ARAP2: variants seen among roughly 807,000 people sequenced by gnomAD.
The protein encoded by ARAP2 is ArfGAP with RhoGAP domain, ankyrin repeat and PH domain 2.
In ARAP2, 148 loss-of-function variants were observed where a neutral mutation model predicts 194.5. The ratio of observed to expected loss-of-function variants is 0.76; its 90% CI spans 0.67 to 0.87. The LOEUF (loss-of-function observed/expected upper bound fraction) is 0.87, where lower values mean the gene tolerates loss of function less well. Among genes scored for constraint, ARAP2 ranks in the 40% least tolerant of loss-of-function variants. ARAP2 has a pLI of 0.00. For missense variants in ARAP2, 2,128 were observed against 1,989.7 expected (o/e 1.07, Z -1.32); for synonymous variants, 695 against 683.5 (o/e 1.02, Z -0.26).
At chr4:36,116,122 G>A (rs1177495538) in intron 25 of ARAP2, among the ~76,000 whole-genome samples, 2 of 151,844 alleles carry the variant, frequency 1.3e-5, no homozygotes, top group Non-Finnish European at 2.9e-5. Context: ...GAGTGGCAAG[G>A]CAAATGCCTC....
intron 5 of ARAP2, among the ~76,000 whole-genome samples, chr4:36,038,349 A>T (rs1451435934): frequency 1.1e-4 from 17 of 152,214 alleles, no homozygotes. Context: ...TGGAGGTCAG[A>T]GAAGCAGTTA....
intron 16 of ARAP2, among the ~76,000 whole-genome samples, chr4:36,150,390 A>G (rs1438968774): frequency 6.6e-6 from 1 of 152,178 alleles, no homozygotes; most frequent in Non-Finnish European, 1.5e-5. Context: ...TCACGCCTGT[A>G]ATCCCAGCAC....
Position 36,171,814 on chromosome 4 carries a change from CA to C in ARAP2, c.1858-4768del, listed in dbSNP as rs200210173. Among the ~76,000 whole-genome samples, 659 of 150,062 alleles carry C rather than the reference CA, an allele frequency of 4.4e-3. 4 individuals carry two copies. The highest frequency in any genetic ancestry group is 0.02 in the East Asian group (102 of 5,124). Reference sequence around the variant, plus strand: ...ATAGTATCTATTTAAAACTTAATTACAAAAAAAAAGTCCTGTCCAAAAATAA... The same window carrying C: ...ATAGTATCTATTTAAAACTTAATTACAAAAAAAAGTCCTGTCCAAAAATAA... On this transcript the variant is annotated intron_variant, in intron 9 of 32. Coordinates refer to ENST00000303965, the MANE Select transcript of ARAP2 (RefSeq NM_015230.4).
Position 36,109,228 on chromosome 4 carries a change from T to C in ARAP2, c.4157-1535A>G, listed in dbSNP as rs190817109. Among the ~76,000 whole-genome samples the C allele has an allele frequency of 4.2e-3, 631 of 151,974 alleles. 3 individuals carry two copies. The highest frequency in any genetic ancestry group is 7.3e-3 in the Non-Finnish European group (498 of 67,876). On this transcript the variant is annotated intron_variant, in intron 26 of 32. Coordinates refer to ENST00000303965, the MANE Select transcript of ARAP2 (RefSeq NM_015230.4). ...TTGCTTCCTATCCAGTAAAGAGAAA[T>C]CCAATTCTGCATTCTGTGCTTATTG...
chr4:36,194,564 G>C (rs1742668006), intron 6 of ARAP2, among the ~76,000 whole-genome samples: 1 of 152,122 alleles, frequency 6.6e-6, no homozygotes, highest in Non-Finnish European at 1.5e-5. Flanking sequence ...AACTTTTCTT[G>C]GCTCTCAGAA....
At chr4:36,140,991 G>A (rs189779532) in intron 19 of ARAP2, among the ~76,000 whole-genome samples, 1 of 151,746 alleles carries the variant, frequency 6.6e-6, no homozygotes, top group Non-Finnish European at 1.5e-5. Context: ...AGCATAATAA[G>A]TGTCTATGGC....
At chr4:36,144,226 T>G (rs76313019) in intron 19 of ARAP2, among the ~76,000 whole-genome samples, 4,310 of 151,998 alleles carry the variant, frequency 0.028, 110 homozygotes, top group Non-Finnish European at 0.042. Flanking sequence ...ATAAACACAT[T>G]TGTTAAGCTG....
intron 3 of ARAP2, among the ~76,000 whole-genome samples, chr4:36,049,593 C>T (rs1159365765): frequency 6.6e-6 from 1 of 152,158 alleles, no homozygotes; most frequent in African/African-American, 2.4e-5. Context: ...TCAAAATATG[C>T]TGTTTGCAAA....
chr4:36,052,700 C>G lies in ARAP2; in HGVS notation n.322-647G>C, dbSNP rs541884562. On this transcript the variant is annotated intron_variant and non_coding_transcript_variant, in intron 2 of 12. Coordinates refer to the ARAP2 transcript ENST00000503225. Reference sequence around the variant, plus strand: ...AATTTTACGGCTGGGCTCGGAGGCTCACGCCTGTAATCCCAGCACTTTGGG... The same window carrying G: ...AATTTTACGGCTGGGCTCGGAGGCTGACGCCTGTAATCCCAGCACTTTGGG... 5.3e-5 allele frequency among the ~76,000 whole-genome samples: 8 copies of G among 152,352 alleles called. No homozygotes were observed. The South Asian group carries it at 1.7e-3, about 32-fold the overall frequency.
chr4:36,230,054 T>TA (rs1211264403), intron 1 of ARAP2, among the ~76,000 whole-genome samples: 5 of 152,198 alleles, frequency 3.3e-5, no homozygotes, highest in East Asian at 1.9e-4. Context: ...CTAGCTTAGA[T>TA]AAAAAACTGT....
chr4:36,234,010 C>T (rs1751988409), intron 1 of ARAP2, among the ~76,000 whole-genome samples: 2 of 152,190 alleles, frequency 1.3e-5, no homozygotes, highest in Admixed American at 1.3e-4. Flanking sequence ...CCCAATAAAC[C>T]CATTGTATGC....
intron 2 of ARAP2, among the ~76,000 whole-genome samples, chr4:36,052,682 CGG>C (rs1722863873): frequency 6.6e-6 from 1 of 152,160 alleles, no homozygotes; most frequent in South Asian, 2.1e-4. Flanking sequence ...TAAAATTTTA[CGG>C]CTGGGCTCGG....
At chr4:36,226,516 C>CA (rs369614234) in intron 2 of ARAP2, among the ~76,000 whole-genome samples, 1 of 151,926 alleles carries the variant, frequency 6.6e-6, no homozygotes, top group Non-Finnish European at 1.5e-5. Context: ...TAAGCCCCCC[C>CA]CCACATAATT....
chr4:36,168,540 A>G (rs1046621552), intron 9 of ARAP2, among the ~76,000 whole-genome samples: 1 of 152,194 alleles, frequency 6.6e-6, no homozygotes, highest in Admixed American at 6.5e-5. Context: ...GTGGAAAAAA[A>G]TAATTCTATA....
intron 27 of ARAP2, among the ~76,000 whole-genome samples, chr4:36,099,149 C>A (rs114896399): frequency 6.6e-6 from 1 of 151,822 alleles, no homozygotes; most frequent in Non-Finnish European, 1.5e-5. Flanking sequence ...CGAGAACATG[C>A]GGTGTCTGGT....
At chr4:36,107,419 T>G in intron 27 of ARAP2, 146 bp downstream of exon 27, 1 of 737,248 alleles carries the variant, frequency 1.4e-6, no homozygotes, top group Non-Finnish European at 2.0e-6. Context: ...CCATATATTC[T>G]TCTTTCTTAT....
chr4:36,107,665 T>C lies in ARAP2; in HGVS notation c.4185A>G (p.Val1395=), dbSNP rs1439448300. 9.9e-6 allele frequency: 16 copies of C among 1,609,446 alleles called. No homozygotes were observed. Among genetic ancestry groups the C allele is most frequent in the Non-Finnish European group, 1.2e-5 (14 of 1,177,346 alleles). The change falls in exon 27 of 33, where the codon GTA becomes GTG. Residue 1395 remains valine, a synonymous_variant. Coordinates refer to ENST00000303965, the MANE Select transcript of ARAP2 (RefSeq NM_015230.4). ...AACTCCACCGAAGCACCTGCTCCAG[T>C]ACATTTTCCTTGTAGTGAAGAGGAC... ...LERPLHYKEN[V]LEQVLRWSSL... is the part of the protein sequence containing the mutation.
chr4:36,175,788 G>A (rs777017265), intron 9 of ARAP2, among the ~76,000 whole-genome samples: 1 of 152,158 alleles, frequency 6.6e-6, no homozygotes, highest in Non-Finnish European at 1.5e-5. Context: ...CATTTCTCAT[G>A]TATATGGAAA....
At chr4:36,208,517 T>C (rs916546235) in intron 6 of ARAP2, among the ~76,000 whole-genome samples, 1 of 152,212 alleles carries the variant, frequency 6.6e-6, no homozygotes, top group Non-Finnish European at 1.5e-5. Flanking sequence ...ATCAGCGCTA[T>C]CTGCATCAAA....
Sources: allele counts gnomAD v4.1 joint callset (sites outside exome capture counted in the v4.1 genomes callset), GRCh38; gene constraint gnomAD v4.1.1; transcripts MANE v1.5; gene names NCBI Gene and HGNC (gene_info 2026-07-23, HGNC 2026-07-21).